Variants in SBF2 observed in about 807,000 individuals in gnomAD.
SBF2 encodes myotubularin-related protein 13.
Under a neutral mutation model 225.2 loss-of-function variants are expected in SBF2, and 112 were observed. That is an observed-to-expected ratio of 0.50 (90% CI 0.43 to 0.58). The LOEUF (loss-of-function observed/expected upper bound fraction) is 0.58. Among genes scored for constraint, SBF2 ranks in the 20% least tolerant of loss-of-function variants. SBF2 has a pLI of 0.00. For missense variants in SBF2, 1,996 were observed against 2,206.2 expected, an observed-to-expected ratio of 0.90 and a Z score of 1.91; for synonymous variants, 763 against 773.3, an observed-to-expected ratio of 0.99 and a Z score of 0.22.
At chr11:9,983,081 G>A (rs1947027646) in intron 13 of SBF2, among the ~76,000 whole-genome samples, 1 of 152,258 alleles carries the variant, frequency 6.6e-6, no homozygotes, top group Middle Eastern at 3.4e-3. Flanking sequence ...CCCGGGGGTG[G>A]TGGGGGCTGC....
chr11:10,020,430 C>A (rs769545846), intron 6 of SBF2, among the ~76,000 whole-genome samples: 1 of 152,118 alleles, frequency 6.6e-6, no homozygotes, highest in Non-Finnish European at 1.5e-5. Flanking sequence ...AGGAGAAATG[C>A]AACCACCCAG....
chr11:9,959,222 C>G, intron 16 of SBF2: 1 of 776,594 alleles, frequency 1.3e-6, no homozygotes, highest in South Asian at 1.3e-5. Context: ...GGCATGACCT[C>G]AGCATTAGTC....
At chr11:10,212,425 C>T (rs577284736) in intron 1 of SBF2, among the ~76,000 whole-genome samples, 3 of 152,270 alleles carry the variant, frequency 2.0e-5, no homozygotes, top group Admixed American at 6.5e-5. Flanking sequence ...TAATAAAAGA[C>T]CCCTTTCTTT....
At chr11:10,059,391 A>C (rs1164744919) in intron 2 of SBF2, among the ~76,000 whole-genome samples, 2 of 152,208 alleles carry the variant, frequency 1.3e-5, no homozygotes, top group African/African-American at 4.8e-5. Flanking sequence ...TCAAACCAAC[A>C]AAGATAAAAA....
intron 1 of SBF2, among the ~76,000 whole-genome samples, chr11:10,199,191 G>A (rs995106392): frequency 3.9e-5 from 6 of 152,076 alleles, no homozygotes; most frequent in Admixed American, 3.3e-4. Context: ...CAATACTGGC[G>A]TGCCTCAAGG....
intron 2 of SBF2, among the ~76,000 whole-genome samples, chr11:10,177,243 T>A (rs1256950722): frequency 6.6e-6 from 1 of 151,732 alleles, no homozygotes; most frequent in East Asian, 1.9e-4. Context: ...TCATACTGAA[T>A]GGGCAAAAAC....
chr11:9,815,043 G>C (rs1854380758), intron 29 of SBF2, among the ~76,000 whole-genome samples: 1 of 152,102 alleles, frequency 6.6e-6, no homozygotes, highest in Non-Finnish European at 1.5e-5. Flanking sequence ...CAGATACAGA[G>C]CCATATTCTA....
chr11:10,116,404 C>T (rs1953139553), intron 2 of SBF2, among the ~76,000 whole-genome samples: 1 of 152,088 alleles, frequency 6.6e-6, no homozygotes, highest in African/African-American at 2.4e-5. Flanking sequence ...AACATGAAAT[C>T]TTTAAGAACT....
At position 9,992,266 on chromosome 11, in the gene SBF2, G is replaced by A. The variant is rs192948025; in HGVS notation, c.1296+149C>T. On this transcript the variant is annotated intron_variant, in intron 12 of 39. Transcript: ENST00000256190. ...TTTTTATAATCCACATTAAAATATC[G>A]AGATTTGATAAGCATAATAAATAAC... 2,684 of 551,358 alleles carry A rather than the reference G, an allele frequency of 4.9e-3. 11 individuals carry two copies. Among genetic ancestry groups the A allele is most frequent in the Middle Eastern group, 0.011 (21 of 1,960 alleles). 34.2% of individuals were successfully genotyped at this position (551,358 alleles called of 1,614,324 possible).
At chr11:10,089,966 T>C (rs1011301111) in intron 2 of SBF2, among the ~76,000 whole-genome samples, 5 of 152,070 alleles carry the variant, frequency 3.3e-5, no homozygotes, top group African/African-American at 1.2e-4. Context: ...ATAAACAAAA[T>C]GTGATATAAG....
chr11:10,292,149 G>A (rs1403913173), intron 1 of SBF2, among the ~76,000 whole-genome samples: 1 of 152,180 alleles, frequency 6.6e-6, no homozygotes, highest in Non-Finnish European at 1.5e-5. Context: ...GAGATTACTA[G>A]CACAATCAAC....
intron 2 of SBF2, among the ~76,000 whole-genome samples, chr11:10,181,194 A>G (rs1011363550): frequency 8.5e-5 from 13 of 152,112 alleles, no homozygotes; most frequent in African/African-American, 2.4e-4. Flanking sequence ...GCTTTCTCAT[A>G]TAATACTACT....
At chr11:10,016,778 G>A (rs1366769945) in intron 6 of SBF2, 1 of 152,148 alleles carries the variant, frequency 6.6e-6, no homozygotes, top group Non-Finnish European at 1.5e-5. Flanking sequence ...GAGCCACCGT[G>A]CCTGGCAAGT....
intron 2 of SBF2, among the ~76,000 whole-genome samples, chr11:10,048,513 A>C (rs1016442535): frequency 6.6e-6 from 1 of 152,210 alleles, no homozygotes; most frequent in African/African-American, 2.4e-5. Context: ...ATGAGGCAAT[A>C]AACATTTTAA....
intron 2 of SBF2, among the ~76,000 whole-genome samples, chr11:10,121,853 C>G (rs1024373657): frequency 1.3e-5 from 2 of 152,176 alleles, no homozygotes; most frequent in African/African-American, 2.4e-5. Context: ...CCACTCCATC[C>G]AGCCTCGGAC....
chr11:9,808,234 G>T (rs2133896895), intron 31 of SBF2, 49 bp from the exon 32 acceptor site: 4 of 1,510,998 alleles, frequency 2.6e-6, no homozygotes, highest in Non-Finnish European at 3.6e-6. Context: ...TCTGAAAAAG[G>T]CCTATTACTA....
rs766471206 is a variant in SBF2, at chr11:10,029,749, T to C, written c.513+16A>G. The C allele has an allele frequency of 6.6e-7, 1 of 1,510,524 alleles. No homozygotes were observed. The highest frequency in any genetic ancestry group is 9.2e-7 in the Non-Finnish European group (1 of 1,085,634). 93.6% of individuals were successfully genotyped at this position (1,510,524 alleles called of 1,614,324 possible). On this transcript the variant is annotated intron_variant, in intron 5 of 39. Transcript: ENST00000256190. ...GAGGAACAATCCTTCTCCACCTCTC[T>C]TTCTATTCTATTTACCTGAGACCCT...
chr11:10,184,359 C>A (rs988936246), intron 2 of SBF2, among the ~76,000 whole-genome samples: 1 of 152,000 alleles, frequency 6.6e-6, no homozygotes, highest in Admixed American at 6.6e-5. Flanking sequence ...TCTTTTTTTC[C>A]CAGATAGTTT....
chr11:10,059,783 G>C (rs1484598585), intron 2 of SBF2, among the ~76,000 whole-genome samples: 1 of 152,020 alleles, frequency 6.6e-6, no homozygotes, highest in East Asian at 1.9e-4. Flanking sequence ...AGTGATTTTG[G>C]GGTAAATAAT....
Sources: gnomAD v4.1 joint callset for allele counts (sites outside exome capture counted in the v4.1 genomes callset) on GRCh38, gnomAD v4.1.1 for gene constraint, MANE v1.5 for transcripts, NCBI Gene and HGNC (gene_info 2026-07-23, HGNC 2026-07-21) for gene names.